The following RFTN1 variants were observed in gnomAD, a reference collection of about 807,000 sequenced individuals.
The protein encoded by RFTN1 is raftlin.
Under a neutral mutation model 46.5 loss-of-function variants are expected in RFTN1, and 26 were observed. The ratio of observed to expected loss-of-function variants is 0.56; its 90% confidence interval spans 0.41 to 0.78. RFTN1 has a LOEUF of 0.78. RFTN1 is among the 30% of genes least tolerant of loss of function. RFTN1 has a pLI of 0.00. For missense variants in RFTN1, 693 were observed against 718.7 expected (o/e 0.96, Z 0.41); for synonymous variants, 261 against 284.2 (o/e 0.92, Z 0.82).
At chr3:16,359,290 A>C (rs1353563399) in intron 6 of RFTN1, among the ~76,000 whole-genome samples, 1 of 152,186 alleles carries the variant, frequency 6.6e-6, no homozygotes, top group African/African-American at 2.4e-5. Flanking sequence ...CTTGGTTCCC[A>C]GACTTGATGC....
chr3:16,420,595 C>T (rs984827181), intron 3 of RFTN1, among the ~76,000 whole-genome samples: 6 of 152,172 alleles, frequency 3.9e-5, no homozygotes, highest in African/African-American at 1.4e-4. Context: ...ATCATCCCAC[C>T]TATACCCACT....
intron 4 of RFTN1, among the ~76,000 whole-genome samples, chr3:16,404,898 C>A (rs978531360): frequency 1.3e-5 from 2 of 152,092 alleles, no homozygotes; most frequent in African/African-American, 4.8e-5. Context: ...GCCCTCTGCC[C>A]CTTGAGCTTA....
intron 7 of RFTN1, chr3:16,347,478 C>G (rs1242310964): frequency 6.6e-6 from 1 of 152,254 alleles, no homozygotes; most frequent in Non-Finnish European, 1.5e-5. Context: ...TTTTCCAGCA[C>G]TAGTGGCTGC....
At chr3:16,491,224 G>A (rs1344335219) in intron 2 of RFTN1, among the ~76,000 whole-genome samples, 1 of 152,056 alleles carries the variant, frequency 6.6e-6, no homozygotes, top group Non-Finnish European at 1.5e-5. Flanking sequence ...ATGAGCAGGG[G>A]GATCCTGGGG....
In RFTN1 at chr3:16,327,752, T is replaced by C. The variant is rs2069863457; in HGVS notation, c.1147-876A>G. ...CTCCAGCCTGGGTGACAGAGCGGGA[T>C]TCCCATCTCAAAAAAAAAAACAAAA... On this transcript the variant is annotated intron_variant, in intron 7 of 9. Transcript: ENST00000334133. The surrounding 1 kb of genome is among the most constrained non-coding windows in gnomAD (Gnocchi z 4.2). Among the ~76,000 whole-genome samples, 1 of 135,542 alleles carries C rather than the reference T, an allele frequency of 7.4e-6. No individual in the cohort carries two copies. The highest frequency in any genetic ancestry group is 2.8e-5 in the African/African-American group (1 of 35,948). The allele number at this position is 135,542 out of a possible 152,430, so 88.9% of individuals were successfully genotyped here.
At chr3:16,397,113 G>A (rs946931052) in intron 4 of RFTN1, among the ~76,000 whole-genome samples, 3 of 149,712 alleles carry the variant, frequency 2.0e-5, no homozygotes, top group African/African-American at 7.4e-5. Context: ...CCTGTCAACA[G>A]ATGAATGGAT....
rs115293564 is a variant in RFTN1 at position 16,324,494 on chromosome 3, A to C, written c.1251-1037T>G. Among the ~76,000 whole-genome samples the C allele has an allele frequency of 8.6e-5, 13 of 151,958 alleles. No individual in the cohort carries two copies. In the East Asian group the frequency reaches 2.5e-3, roughly 29 times the overall value. On this transcript the variant is annotated intron_variant, in intron 8 of 9. Transcript: ENST00000334133. ...TTCTACTCTCTGCTTCTATGACTCA[A>C]CTTTTTTAGATTCCACGTATGAGAG...
Position 16,509,596 on chromosome 3 carries a change from A to G in RFTN1, c.-9+3846T>C. ...AACAATATTAAAATCAGTAATAAAG[A>G]GAACAGTGTTAATACAATGAAAGTT... On this transcript the variant is annotated intron_variant, in intron 1 of 9. Transcript: ENST00000334133. This position sits in a 1 kb window ranked among gnomAD's most constrained non-coding sequence, Gnocchi z 4.9. 6.6e-6 allele frequency among the ~76,000 whole-genome samples: 1 copy of G among 152,244 alleles called. No homozygotes were observed. Among genetic ancestry groups the G allele is most frequent in the Non-Finnish European group, 1.5e-5 (1 of 68,040 alleles).
chr3:16,490,619 A>T (rs1056318285), intron 2 of RFTN1, among the ~76,000 whole-genome samples: 2 of 152,256 alleles, frequency 1.3e-5, no homozygotes, highest in Admixed American at 6.5e-5. Context: ...ATTTATCAAG[A>T]GTGCCGACAT....
At chr3:16,406,203 G>A (rs1259214765) in intron 4 of RFTN1, among the ~76,000 whole-genome samples, 1 of 152,158 alleles carries the variant, frequency 6.6e-6, no homozygotes, top group Non-Finnish European at 1.5e-5. Context: ...ACACAGAGGT[G>A]GTATTTTCTT....
chr3:16,445,101 A>G (rs56167575), intron 2 of RFTN1, among the ~76,000 whole-genome samples: 2,780 of 152,334 alleles, frequency 0.018, 87 homozygotes, highest in African/African-American at 0.063. Context: ...AGAACCTATT[A>G]ACAATGTTAA....
rs568168907 is a variant in RFTN1, at chr3:16,429,637, C to T, written c.332+4214G>A. ...CTCTCTAACTTCCCACCACATAGAG[C>T]TCCTAGCACAATACTCTGAAAAGAG... On this transcript the variant is annotated intron_variant, in intron 3 of 9. Transcript: ENST00000334133. This position sits in a 1 kb window ranked among gnomAD's most constrained non-coding sequence, Gnocchi z 6.4. Among the ~76,000 whole-genome samples, 3 of 152,344 alleles carry T rather than the reference C, an allele frequency of 2.0e-5. No homozygotes were observed. Among genetic ancestry groups the T allele is most frequent in the East Asian group, 1.9e-4 (1 of 5,192 alleles).
At chr3:16,420,288 T>A (rs2075160412) in intron 3 of RFTN1, among the ~76,000 whole-genome samples, 1 of 152,218 alleles carries the variant, frequency 6.6e-6, no homozygotes, top group South Asian at 2.1e-4. Flanking sequence ...TCTGGAATGC[T>A]GCAAGTCTCT....
At chr3:16,462,283 T>A (rs1340804984) in intron 2 of RFTN1, among the ~76,000 whole-genome samples, 3 of 152,228 alleles carry the variant, frequency 2.0e-5, no homozygotes. Context: ...ACATAACTAC[T>A]ATTGTTAAGC....
Position 16,342,359 on chromosome 3 carries a change from A to G in RFTN1, c.1147-15483T>C, listed in dbSNP as rs1033935025. On this transcript the variant is annotated intron_variant, in intron 7 of 9. Coordinates refer to ENST00000334133, the MANE Select transcript of RFTN1 (RefSeq NM_015150.2). The surrounding 1 kb of genome is among the most constrained non-coding windows in gnomAD (Gnocchi z 4.0). Reference sequence around the variant, plus strand: ...TGTTCAAGGTTCATACATGTAGCATATATCAGTAGTTTATTCCTTTTTATT... The same window carrying G: ...TGTTCAAGGTTCATACATGTAGCATGTATCAGTAGTTTATTCCTTTTTATT... Among the ~76,000 whole-genome samples, 1 of 152,240 alleles carries G rather than the reference A, an allele frequency of 6.6e-6. No homozygotes were observed. Among genetic ancestry groups the G allele is most frequent in the East Asian group, 1.9e-4 (1 of 5,200 alleles).
At chr3:16,350,135 G>A (rs2071993195) in intron 7 of RFTN1, 2 of 152,262 alleles carry the variant, frequency 1.3e-5, no homozygotes, top group Admixed American at 1.3e-4. Flanking sequence ...AACCATCACA[G>A]GACAATTCTG....
In RFTN1 at chr3:16,443,048, C is replaced by G. The variant is rs1252190892; in HGVS notation, c.146-9011G>C. 6.6e-6 allele frequency among the ~76,000 whole-genome samples: 1 copy of G among 152,184 alleles called. No homozygotes were observed. Among genetic ancestry groups the G allele is most frequent in the African/African-American group, 2.4e-5 (1 of 41,452 alleles). On this transcript the variant is annotated intron_variant, in intron 2 of 9. Transcript: ENST00000334133. This position sits in a 1 kb window ranked among gnomAD's most constrained non-coding sequence, Gnocchi z 5.5. ...ATAATGCTGCATGGAGTGCAGATAT[C>G]TCTTCAACATACTGATTTCATTTCC...
rs2076677837 is a variant in RFTN1 at position 16,499,585 on chromosome 3, T to C, written c.-8-5708A>G. ...AAAGACAAGCTGTTTCACCAAGCCC[T>C]GCCAAAGCTGCAGATTCCTGAGCAA... On this transcript the variant is annotated intron_variant, in intron 1 of 9. Transcript: ENST00000334133. This position sits in a 1 kb window ranked among gnomAD's most constrained non-coding sequence, Gnocchi z 4.9. Among the ~76,000 whole-genome samples the C allele has an allele frequency of 6.6e-6, 1 of 152,248 alleles. No individual in the cohort carries two copies. Among genetic ancestry groups the C allele is most frequent in the Non-Finnish European group, 1.5e-5 (1 of 68,036 alleles).
chr3:16,501,524 T>A (rs2076710087), intron 1 of RFTN1, among the ~76,000 whole-genome samples: 1 of 152,222 alleles, frequency 6.6e-6, no homozygotes, highest in Non-Finnish European at 1.5e-5. Flanking sequence ...TTGCTGCTAA[T>A]CTAAGGCAGC....
Sources: allele counts gnomAD v4.1 joint callset (sites outside exome capture counted in the v4.1 genomes callset), GRCh38; gene constraint gnomAD v4.1.1; non-coding constraint Gnocchi (gnomAD v3.1); transcripts MANE v1.5; gene names NCBI Gene and HGNC (gene_info 2026-07-23, HGNC 2026-07-21).